Variants in ERC2 observed in about 807,000 individuals in gnomAD.
ERC2 encodes ELKS/RAB6-interacting/CAST family member 2.
ERC2 carries 42 observed loss-of-function variants against 114.8 expected under a neutral mutation model. That is an observed-to-expected ratio of 0.37 (90% confidence interval 0.29 to 0.47). The LOEUF (loss-of-function observed/expected upper bound fraction) is 0.47. Among genes scored for constraint, ERC2 ranks in the 20% least tolerant of loss-of-function variants. The pLI is 0.99. For synonymous variants in ERC2, 454 were observed against 425.5 expected, an observed-to-expected ratio of 1.07 and a Z score of -0.82; for missense variants, 939 against 1,150.7, an observed-to-expected ratio of 0.82 and a Z score of 2.66.
At chr3:56,407,837 C>A (rs1449249021) in intron 2 of ERC2, among the ~76,000 whole-genome samples, 1 of 152,152 alleles carries the variant, frequency 6.6e-6, no homozygotes, top group African/African-American at 2.4e-5. Flanking sequence ...TTTCCCTGTA[C>A]TCCCATCATA....
At chr3:55,918,987 A>G (rs1455032736) in intron 13 of ERC2, among the ~76,000 whole-genome samples, 1 of 152,118 alleles carries the variant, frequency 6.6e-6, no homozygotes, top group African/African-American at 2.4e-5. Flanking sequence ...CGTTTTCTCA[A>G]AGAGAAATGC....
chr3:55,785,351 C>G (rs1271853159), intron 14 of ERC2, among the ~76,000 whole-genome samples: 1 of 152,214 alleles, frequency 6.6e-6, no homozygotes, highest in African/African-American at 2.4e-5. Context: ...AAAACAGATG[C>G]TGTTGAACTC....
chr3:56,254,512 T>C (rs1260568413), intron 3 of ERC2, among the ~76,000 whole-genome samples: 1 of 152,208 alleles, frequency 6.6e-6, no homozygotes, highest in Admixed American at 6.5e-5. Context: ...CATTTTTCTT[T>C]CCTTACCTTG....
chr3:55,966,107 C>G (rs1004623990), intron 12 of ERC2, among the ~76,000 whole-genome samples: 1 of 152,078 alleles, frequency 6.6e-6, no homozygotes, highest in Non-Finnish European at 1.5e-5. Flanking sequence ...ATGTTAATAA[C>G]GTTACCAAAA....
chr3:56,361,136 C>A (rs2150558761), intron 2 of ERC2, among the ~76,000 whole-genome samples: 1 of 152,020 alleles, frequency 6.6e-6, no homozygotes, highest in South Asian at 2.1e-4. Flanking sequence ...GTCTGACGTG[C>A]TATGGAGAGT....
chr3:56,189,546 T>C (rs2083855102), intron 3 of ERC2, among the ~76,000 whole-genome samples: 1 of 152,294 alleles, frequency 6.6e-6, no homozygotes, highest in South Asian at 2.1e-4. Context: ...ACTAAGATGT[T>C]CCTGAATCAG....
intron 14 of ERC2, among the ~76,000 whole-genome samples, chr3:55,735,657 C>A (rs1312725196): frequency 6.6e-6 from 1 of 152,228 alleles, no homozygotes; most frequent in East Asian, 1.9e-4. Context: ...AATTAAGTTT[C>A]CATCATATGA....
chr3:55,667,623 T>C (rs548074909), intron 17 of ERC2, among the ~76,000 whole-genome samples: 5 of 152,296 alleles, frequency 3.3e-5, no homozygotes, highest in Admixed American at 1.3e-4. Flanking sequence ...CCTTCCAGTT[T>C]TGGAAATAAT....
At chr3:56,123,897 ACATAAGGACG>A (rs2079728913) in intron 6 of ERC2, among the ~76,000 whole-genome samples, 1 of 152,150 alleles carries the variant, frequency 6.6e-6, no homozygotes, top group Non-Finnish European at 1.5e-5. Context: ...CTGGGTCTAT[ACATAAGGACG>A]CCCTAAGGAC....
chr3:56,071,796 T>C (rs2149732209), intron 7 of ERC2, among the ~76,000 whole-genome samples: 1 of 152,358 alleles, frequency 6.6e-6, no homozygotes. Context: ...CTACTGAATT[T>C]GTTGCTTCAC....
chr3:56,052,919 C>A (rs906199508), intron 7 of ERC2, among the ~76,000 whole-genome samples: 11 of 152,128 alleles, frequency 7.2e-5, no homozygotes, highest in African/African-American at 2.7e-4. Context: ...TCCAGCCTCT[C>A]ATCTTTCCCA....
intron 2 of ERC2, among the ~76,000 whole-genome samples, chr3:56,325,425 G>A (rs1028431537): frequency 1.8e-4 from 28 of 151,794 alleles, no homozygotes; most frequent in African/African-American, 4.1e-4. Context: ...CAGCCTGGGC[G>A]ACAGAGCGAG....
intron 6 of ERC2, among the ~76,000 whole-genome samples, chr3:56,109,930 ACCT>A (rs1354969235): frequency 6.6e-6 from 1 of 152,192 alleles, no homozygotes; most frequent in Non-Finnish European, 1.5e-5. Flanking sequence ...ACAGCCAAAA[ACCT>A]CATGACAACT....
At chr3:55,789,436 C>G (rs766803025) in intron 14 of ERC2, among the ~76,000 whole-genome samples, 1 of 152,180 alleles carries the variant, frequency 6.6e-6, no homozygotes, top group East Asian at 1.9e-4. Context: ...GATAAGATCC[C>G]AAGTCTCTTA....
chr3:56,319,653 A>G (rs1040455622), intron 2 of ERC2, among the ~76,000 whole-genome samples: 2 of 152,136 alleles, frequency 1.3e-5, no homozygotes, highest in African/African-American at 4.8e-5. Flanking sequence ...ATAAGAAAAA[A>G]AGATTCCAAG....
chr3:56,021,100 C>T (rs1414564964), intron 7 of ERC2, among the ~76,000 whole-genome samples: 3 of 152,004 alleles, frequency 2.0e-5, no homozygotes, highest in Non-Finnish European at 4.4e-5. Flanking sequence ...GCTAGGGATG[C>T]ACCACTTTAA....
At chr3:55,554,695 G>C (rs2055472431) in intron 17 of ERC2, among the ~76,000 whole-genome samples, 1 of 152,126 alleles carries the variant, frequency 6.6e-6, no homozygotes, top group South Asian at 2.1e-4. Context: ...TGCTTCCCAG[G>C]GGGCTGGGTT....
At chr3:56,173,944 C>G (rs1560306761) in intron 3 of ERC2, 1 of 162,838 alleles carries the variant, frequency 6.1e-6, no homozygotes, top group African/African-American at 2.4e-5. Context: ...CATTTTGCTA[C>G]CGAGGCAGGT....
At chr3:55,815,127 A>G (rs1397451211) in intron 14 of ERC2, among the ~76,000 whole-genome samples, 1 of 152,202 alleles carries the variant, frequency 6.6e-6, no homozygotes, top group Non-Finnish European at 1.5e-5. Context: ...TAGAGCAGCC[A>G]CCAGTAATGC....
Sources: allele counts gnomAD v4.1 joint callset (sites outside exome capture counted in the v4.1 genomes callset), GRCh38; gene constraint gnomAD v4.1.1; transcripts MANE v1.5; gene names NCBI Gene and HGNC (gene_info 2026-07-23, HGNC 2026-07-21).